MYOM3: variants seen among roughly 807,000 people sequenced by gnomAD.
MYOM3 encodes myomesin 3, also known as myomesin-3.
In MYOM3, 155 loss-of-function variants were observed where a neutral mutation model predicts 191.7. That is an observed-to-expected ratio of 0.81 (90% CI 0.71 to 0.92). The LOEUF (loss-of-function observed/expected upper bound fraction) is 0.92. MYOM3 is among the 40% of genes least tolerant of loss of function. MYOM3 has a pLI of 0.00. For synonymous variants in MYOM3, 757 were observed against 762.9 expected (o/e 0.99, Z 0.13); for missense variants, 1,889 against 1,890.6 (o/e 1.00, Z 0.02).
chr1:24,079,605 C>T (rs1016357464), intron 20 of MYOM3, among the ~76,000 whole-genome samples: 1 of 152,196 alleles, frequency 6.6e-6, no homozygotes, highest in Admixed American at 6.5e-5. Flanking sequence ...TTAAGCAACA[C>T]CCTTACTAAT....
At chr1:24,065,767 G>A in intron 29 of MYOM3, 124 bp downstream of exon 29, 2 of 770,898 alleles carry the variant, frequency 2.6e-6, no homozygotes, top group South Asian at 1.4e-5. Context: ...TAAATTTTGT[G>A]CTCAGGGCCT....
intron 20 of MYOM3, 85 bp from the exon 21 acceptor site, chr1:24,076,358 C>G: frequency 1.1e-6 from 1 of 948,724 alleles, no homozygotes. Context: ...GAGCCACTCT[C>G]AATAAGAAAA....
chr1:24,095,552 G>A (rs1643874505), intron 7 of MYOM3, 66 bp from the exon 8 acceptor site: 1 of 1,449,350 alleles, frequency 6.9e-7, no homozygotes, highest in Admixed American at 1.9e-5. Flanking sequence ...CTATTTTGGG[G>A]ACATGGGCTT....
chr1:24,081,641 C>T (rs1002510451), intron 18 of MYOM3, 185 bp from the exon 19 acceptor site: 7 of 672,442 alleles, frequency 1.0e-5, no homozygotes, highest in Non-Finnish European at 1.7e-5. Flanking sequence ...TGGCTCACTG[C>T]AGCCTCAACC....
intron 5 of MYOM3, among the ~76,000 whole-genome samples, chr1:24,101,147 CATT>C (rs1418542431): frequency 6.6e-6 from 1 of 152,096 alleles, no homozygotes; most frequent in Non-Finnish European, 1.5e-5. Context: ...CCTTTCACAT[CATT>C]GTTCCCTCTG....
intron 19 of MYOM3, among the ~76,000 whole-genome samples, chr1:24,080,690 A>G (rs1449347179): frequency 2.6e-5 from 4 of 152,254 alleles, no homozygotes; most frequent in Admixed American, 2.6e-4. Context: ...ATAATTTATG[A>G]AAAGTGTTTG....
rs1643998802 is a variant in MYOM3, at chr1:24,107,993, CAAG to C, written c.239_241del (p.Ser80del). ...TCCCTGGGAAGCTTCTCTGACTCAC[CAAG>C]ACAGCTCGGAGGAGGCCGTCAGAGC... On this transcript the variant is annotated inframe_deletion and splice_region_variant, in exon 3 of 37. Coordinates refer to ENST00000374434, the MANE Select transcript of MYOM3 (RefSeq NM_152372.4). The C allele has an allele frequency of 1.2e-6, 2 of 1,613,110 alleles. No individual in the cohort carries two copies. The highest frequency in any genetic ancestry group is 1.7e-6 in the Non-Finnish European group (2 of 1,179,600).
chr1:24,063,061 C>G lies in MYOM3; in HGVS notation c.3770+65G>C, dbSNP rs1330549641. ...ACCAGGCAGGGAGAAGGGAGGGAGG[C>G]CCCCATGGGTCAGGTGCTGAATCCT... On this transcript the variant is annotated intron_variant, in intron 32 of 36. Transcript: ENST00000374434. This position sits in a 1 kb window ranked among gnomAD's most constrained non-coding sequence, Gnocchi z 4.5. 4 of 1,063,428 alleles carry G rather than the reference C, an allele frequency of 3.8e-6. No homozygotes were observed. Among genetic ancestry groups the G allele is most frequent in the Non-Finnish European group, 5.8e-6 (4 of 685,090 alleles). The allele number at this position is 1,063,428 out of a possible 1,614,324, so 65.9% of individuals were successfully genotyped here. A position where few individuals can be genotyped will look rare whatever the true frequency, so the allele number is the denominator to read the frequency against.
At chr1:24,088,582 C>T (rs1643774888) in intron 14 of MYOM3, among the ~76,000 whole-genome samples, 1 of 152,178 alleles carries the variant, frequency 6.6e-6, no homozygotes, top group Admixed American at 6.5e-5. Flanking sequence ...CAATTATCTA[C>T]AGCTTTCCTA....
intron 7 of MYOM3, 108 bp downstream of exon 7, chr1:24,097,815 G>A: frequency 1.2e-6 from 1 of 815,386 alleles, no homozygotes; most frequent in African/African-American, 1.7e-5. Flanking sequence ...AGGCTGAACA[G>A]CCTTGTGCCT....
Position 24,108,056 on chromosome 1 carries a change from AAC to A in MYOM3, c.177_178del (p.Glu59AspfsTer48). 8.1e-6 allele frequency: 13 copies of A among 1,613,714 alleles called. No individual in the cohort carries two copies. Among genetic ancestry groups the A allele is most frequent in the Non-Finnish European group, 9.3e-6 (11 of 1,179,840 alleles). ...TGCCAGGGCGTAGTCCGCGGCGCTG[AAC>A]TCATGCTCTTCTTCGCTGCTCCCAG... On this transcript the variant is annotated frameshift_variant, in exon 3 of 37. Coordinates refer to ENST00000374434, the MANE Select transcript of MYOM3 (RefSeq NM_152372.4). LOFTEE classifies it high-confidence loss of function.
Position 24,108,483 on chromosome 1 carries a change from G to A in MYOM3, c.154C>T (p.Arg52Cys), listed in dbSNP as rs762184862. The A allele has an allele frequency of 6.9e-5, 108 of 1,559,282 alleles. No homozygotes were observed. Among genetic ancestry groups the A allele is most frequent in the South Asian group, 2.6e-4 (22 of 85,272 alleles). Residue 52 changes from arginine (R) to cysteine (C), a missense_variant, in exon 2 of 37, where the codon CGC (arginine) becomes TGC (cysteine). Coordinates refer to ENST00000374434, the MANE Select transcript of MYOM3 (RefSeq NM_152372.4). ...MGSSVRRRTF[R>C]SSEEEHEFSA... The stretch of plus-strand genomic sequence containing the variant: ...GGACCCTGTGGCTCCCACCTGCTGC[G>A]GAAGGTCCGCCTCCGCACAGAGGAG...
chr1:24,099,448 T>G (rs1643896200), intron 6 of MYOM3, among the ~76,000 whole-genome samples: 1 of 149,058 alleles, frequency 6.7e-6, no homozygotes, highest in Non-Finnish European at 1.5e-5. Context: ...ATGGTGGGTG[T>G]GTGTGTTAAA....
chr1:24,095,894 A>G (rs996761107), intron 7 of MYOM3, among the ~76,000 whole-genome samples: 2 of 152,194 alleles, frequency 1.3e-5, no homozygotes, highest in African/African-American at 4.8e-5. Flanking sequence ...AGAGGCATCC[A>G]GGGGCTGAAG....
intron 29 of MYOM3, 160 bp downstream of exon 29, chr1:24,065,731 T>C (rs1557601503): frequency 1.4e-6 from 1 of 692,794 alleles, no homozygotes; most frequent in South Asian, 1.5e-5. Flanking sequence ...TTATTTATCT[T>C]GATTACTGAG....
chr1:24,080,177 G>A lies in MYOM3; in HGVS notation c.2425C>T (p.Arg809Trp), dbSNP rs753189960. ...GATGTGGCCCGCACCTCGGATGCCC[G>A]TACATCGTACGGGGGGCCTGTGACA... ...MPQPGPPYDVRASEVRATSLV... is the reference protein window; with the variant it reads ...MPQPGPPYDVWASEVRATSLV... Residue 809 changes from arginine to tryptophan, a missense_variant, in exon 20 of 37, where the codon CGG (arginine) becomes TGG (tryptophan). Arg to Trp is a moderately radical substitution (Grantham distance 101). Transcript: ENST00000374434. The A allele has an allele frequency of 3.7e-6, 6 of 1,612,478 alleles. No individual in the cohort carries two copies. In the East Asian group the frequency reaches 8.9e-5, roughly 24 times the overall value.
Position 24,065,932 on chromosome 1 carries a change from A to G in MYOM3, c.3493T>C (p.Tyr1165His). Residue 1165 changes from tyrosine to histidine, a missense_variant, in exon 29 of 37, where the codon TAT becomes CAT. Physicochemically the swap from Tyr to His is moderately conservative, Grantham distance 83 (BLOSUM62 2). Coordinates refer to ENST00000374434, the MANE Select transcript of MYOM3 (RefSeq NM_152372.4). ...AGTCCCGTTCCCGTCTCTGGGTCAT[A>G]CTGACCATCTGGCATCTCTGCCCTC... ...FQRAEMPDGQ[Y>H]DPETGTGLLC... 5 of 1,614,030 alleles carry G rather than the reference A, an allele frequency of 3.1e-6. No individual in the cohort carries two copies. Among genetic ancestry groups the G allele is most frequent in the Non-Finnish European group, 4.2e-6 (5 of 1,179,880 alleles).
chr1:24,107,121 G>A lies in MYOM3; in HGVS notation c.354C>T (p.Thr118=), dbSNP rs1480471008. 1 of 1,612,548 alleles carries A rather than the reference G, an allele frequency of 6.2e-7. No individual in the cohort carries two copies. ...WERTEIAFLQ[T]HRLLRQRRDW... ...CCCGCCTCTGGCGCAGCAGCCGGTG[G>A]GTCTGCAGGAAGGCGATCTCAGTCC... The change falls in exon 4 of 37, where the codon ACC becomes ACT. Residue 118 remains threonine (T), a synonymous_variant. Coordinates refer to ENST00000374434, the MANE Select transcript of MYOM3 (RefSeq NM_152372.4).
chr1:24,110,392 G>A (rs1644028740), intron 1 of MYOM3, among the ~76,000 whole-genome samples: 1 of 152,084 alleles, frequency 6.6e-6, no homozygotes, highest in South Asian at 2.1e-4. Context: ...GCGTGCATGT[G>A]TAGGCTGTCT....
Sources: allele counts gnomAD v4.1 joint callset (sites outside exome capture counted in the v4.1 genomes callset), GRCh38; gene constraint gnomAD v4.1.1; non-coding constraint Gnocchi (gnomAD v3.1); transcripts MANE v1.5; gene names NCBI Gene and HGNC (gene_info 2026-07-23, HGNC 2026-07-21).